The following TMTC1 variants were observed in gnomAD, a reference collection of about 807,000 sequenced individuals.
TMTC1 encodes protein O-mannosyl-transferase TMTC1.
In TMTC1, 73 loss-of-function variants were observed where a neutral mutation model predicts 104.8. The ratio of observed to expected loss-of-function variants is 0.70; its 90% CI spans 0.58 to 0.85. The LOEUF is 0.85. Ranked by LOEUF, TMTC1 falls within the 40% of genes least tolerant of loss-of-function variation. The probability of loss-of-function intolerance (pLI) is 0.00; values close to 1 mark genes in which losing one functional copy is unlikely to be tolerated. For synonymous variants in TMTC1, 434 were observed against 428.7 expected (o/e 1.01, Z -0.15); for missense variants, 1,035 against 1,096.1 (o/e 0.94, Z 0.79).
At chr12:29,517,361 A>G in intron 14 of TMTC1, 66 bp downstream of exon 14, 1 of 1,578,616 alleles carries the variant, frequency 6.3e-7, no homozygotes. Context: ...AGGCGTGAGG[A>G]CTACAGCTCT....
In TMTC1 at chr12:29,758,857, G is replaced by A. The variant is rs76253907; in HGVS notation, c.481-80C>T. The A allele has an allele frequency of 6.0e-4, 730 of 1,225,532 alleles. 6 individuals are homozygous for A. In the African/African-American group the frequency reaches 0.01, roughly 17 times the overall value. The allele number at this position is 1,225,532 out of a possible 1,614,324, so 75.9% of individuals were successfully genotyped here. The stretch of plus-strand genomic sequence containing the variant: ...TATTACACAAATCCATTACAGAAAT[G>A]TATTTGTTGTTAGATAAATGGAAGA... On this transcript the variant is annotated intron_variant, in intron 2 of 17. Transcript: ENST00000539277.
intron 5 of TMTC1, among the ~76,000 whole-genome samples, chr12:29,644,547 A>T (rs759852327): frequency 5.9e-5 from 9 of 152,166 alleles, no homozygotes; most frequent in Non-Finnish European, 4.4e-5. Flanking sequence ...AATAATTCAA[A>T]GACAGAAAAC....
chr12:29,732,485 T>C (rs1416475000), intron 5 of TMTC1, among the ~76,000 whole-genome samples: 1 of 152,106 alleles, frequency 6.6e-6, no homozygotes, highest in Non-Finnish European at 1.5e-5. Flanking sequence ...AAAGACACCA[T>C]AAAAGCATGG....
At chr12:29,696,447 C>T (rs1339535844) in intron 5 of TMTC1, among the ~76,000 whole-genome samples, 4 of 152,140 alleles carry the variant, frequency 2.6e-5, no homozygotes, top group African/African-American at 9.7e-5. Context: ...GAAATAGGAA[C>T]CTAATCAAGA....
chr12:29,774,023 TGA>T lies in TMTC1; in HGVS notation c.303-5950_303-5949del, dbSNP rs940946104. On this transcript the variant is annotated intron_variant, in intron 1 of 17. Transcript: ENST00000539277. ...CCTCTCTGGGAATACAGTGGAGACATGAGTGTGTGTGTGTGTGTGTGCAGGTG... is the reference window on the plus strand; with the variant it reads ...CCTCTCTGGGAATACAGTGGAGACATGTGTGTGTGTGTGTGTGTGCAGGTG... Among the ~76,000 whole-genome samples the T allele has an allele frequency of 1.9e-4, 7 of 36,028 alleles. 1 individual carries two copies. The highest frequency in any genetic ancestry group is 0.025 in the Middle Eastern group (2 of 80). The allele number at this position is 36,028 out of a possible 152,430, so 23.6% of individuals were successfully genotyped here. A position where few individuals can be genotyped will look rare whatever the true frequency, so the allele number is the denominator to read the frequency against.
chr12:29,686,929 T>C lies in TMTC1; in HGVS notation c.939-53593A>G, dbSNP rs781499497. On this transcript the variant is annotated intron_variant, in intron 5 of 17. Coordinates refer to ENST00000539277, the MANE Select transcript of TMTC1 (RefSeq NM_001193451.2). ...CCACATTTGGAGTTATGTAGTATGA[T>C]TGGAATCAGAATATGGATTATAGCA... Among the ~76,000 whole-genome samples, 4 of 152,156 alleles carry C rather than the reference T, an allele frequency of 2.6e-5. No individual in the cohort carries two copies. The East Asian group carries it at 7.7e-4, about 29-fold the overall frequency.
intron 1 of TMTC1, among the ~76,000 whole-genome samples, chr12:29,771,120 T>C (rs1387364902): frequency 6.6e-6 from 1 of 152,166 alleles, no homozygotes; most frequent in Non-Finnish European, 1.5e-5. Flanking sequence ...CTGTCCAATA[T>C]TTTTATCAAA....
intron 7 of TMTC1, among the ~76,000 whole-genome samples, chr12:29,591,969 G>A (rs1194780386): frequency 6.6e-6 from 1 of 151,576 alleles, no homozygotes. Flanking sequence ...ATTCACAGAA[G>A]TGGAAAGATG....
chr12:29,722,932 A>AG (rs1246307755), intron 5 of TMTC1, among the ~76,000 whole-genome samples: 1 of 124,066 alleles, frequency 8.1e-6, no homozygotes, highest in Non-Finnish European at 1.7e-5. Context: ...AAAAAAAAAA[A>AG]AAAGGAAGAA....
chr12:29,555,486 C>T (rs139519183), intron 10 of TMTC1, among the ~76,000 whole-genome samples: 2,431 of 151,980 alleles, frequency 0.016, 67 homozygotes, highest in African/African-American at 0.056. Flanking sequence ...CCCCCTACCC[C>T]CCGACAGGCC....
At chr12:29,549,275 T>C (rs1397314172) in intron 10 of TMTC1, among the ~76,000 whole-genome samples, 1 of 151,770 alleles carries the variant, frequency 6.6e-6, no homozygotes, top group Non-Finnish European at 1.5e-5. Flanking sequence ...AATGAAAATA[T>C]CCAGATGCCA....
intron 10 of TMTC1, among the ~76,000 whole-genome samples, chr12:29,540,167 A>G (rs1592198898): frequency 6.6e-6 from 1 of 152,208 alleles, no homozygotes; most frequent in East Asian, 1.9e-4. Context: ...CGTGTGGGGA[A>G]CCTACTGCTG....
At chr12:29,669,952 G>C (rs112509409) in intron 5 of TMTC1, among the ~76,000 whole-genome samples, 1 of 152,170 alleles carries the variant, frequency 6.6e-6, no homozygotes, top group African/African-American at 2.4e-5. Context: ...TGAGTCTCCT[G>C]ATGGCCAATT....
chr12:29,550,070 ATCTTATTCTTGAGTGT>A lies in TMTC1; in HGVS notation c.1676+6771_1676+6786del, dbSNP rs557930137. 2.7e-4 allele frequency among the ~76,000 whole-genome samples: 41 copies of A among 152,230 alleles called. No homozygotes were observed. In the South Asian group the frequency reaches 7.7e-3, roughly 28 times the overall value. On this transcript the variant is annotated intron_variant, in intron 10 of 17. Transcript: ENST00000539277. The stretch of plus-strand genomic sequence containing the variant: ...TTCCAAGCTCAATCCTATGTAACAA[ATCTTATTCTTGAGTGT>A]TTAATTGGGGAGAAAGCTGATAAGA...
chr12:29,650,833 C>G (rs1939485743), intron 5 of TMTC1, among the ~76,000 whole-genome samples: 1 of 152,154 alleles, frequency 6.6e-6, no homozygotes, highest in Non-Finnish European at 1.5e-5. Context: ...GTTCATGAAA[C>G]AGGCTTGAGG....
chr12:29,634,686 T>C (rs1440726146), intron 5 of TMTC1, among the ~76,000 whole-genome samples: 2 of 152,160 alleles, frequency 1.3e-5, no homozygotes, highest in African/African-American at 4.8e-5. Context: ...AATCCAATAG[T>C]GAAAATAGGA....
intron 5 of TMTC1, among the ~76,000 whole-genome samples, chr12:29,668,454 C>CTTTTTTTTTTTTTTTTTTTTTTTTTTTT (rs66652706): frequency 1.1e-5 from 1 of 90,096 alleles, no homozygotes; most frequent in African/African-American, 4.5e-5. Flanking sequence ...ACCAACTTAT[C>CTTTTTTTTTTTTTTTTTTTTTTTTTTTT]TTTTTTTTTT....
At chr12:29,739,670 GA>G (rs1329719976) in intron 5 of TMTC1, among the ~76,000 whole-genome samples, 1 of 152,066 alleles carries the variant, frequency 6.6e-6, no homozygotes, top group African/African-American at 2.4e-5. Context: ...AACTGGCACT[GA>G]AGTGGTCCTG....
intron 5 of TMTC1, among the ~76,000 whole-genome samples, chr12:29,711,841 T>C (rs1941935100): frequency 2.0e-5 from 3 of 151,298 alleles, no homozygotes; most frequent in South Asian, 4.2e-4. Flanking sequence ...CCGTCTCTAC[T>C]AAAAATACAA....
Sources: allele counts gnomAD v4.1 joint callset (sites outside exome capture counted in the v4.1 genomes callset), GRCh38; gene constraint gnomAD v4.1.1; transcripts MANE v1.5; gene names NCBI Gene and HGNC (gene_info 2026-07-23, HGNC 2026-07-21).